The following OSBPL1A variants were observed in gnomAD, a reference collection of about 807,000 sequenced individuals.
The protein encoded by OSBPL1A is oxysterol binding protein like 1A.
Under a neutral mutation model 137.1 loss-of-function variants are expected in OSBPL1A, and 80 were observed. The observed-to-expected ratio is 0.58, with a 90% CI of 0.49 to 0.70. The LOEUF (loss-of-function observed/expected upper bound fraction) is 0.70. Ranked by LOEUF, OSBPL1A falls within the 30% of genes least tolerant of loss-of-function variation. The pLI, the probability that OSBPL1A is intolerant of heterozygous loss-of-function variation, is 0.00. For missense variants in OSBPL1A, 970 were observed against 1,129.4 expected, an observed-to-expected ratio of 0.86 and a Z score of 2.02; for synonymous variants, 365 against 389.7, an observed-to-expected ratio of 0.94 and a Z score of 0.75.
At chr18:24,199,925 G>T (rs2087166765) in intron 17 of OSBPL1A, among the ~76,000 whole-genome samples, 2 of 152,168 alleles carry the variant, frequency 1.3e-5, no homozygotes, top group Non-Finnish European at 2.9e-5. Flanking sequence ...TACAACGTCA[G>T]CAGTGCCAGG....
In OSBPL1A at chr18:24,178,479, AC is replaced by A. The variant is rs992292406; in HGVS notation, c.1911-285del. On this transcript the variant is annotated intron_variant, in intron 20 of 27. Coordinates refer to ENST00000319481, the MANE Select transcript of OSBPL1A (RefSeq NM_080597.4). ...GCTAATTTTTGTATTTTTAGTAGAGACGGGGGTTTCATCATGTTGGCCAGGT... is the reference window on the plus strand; with the variant it reads ...GCTAATTTTTGTATTTTTAGTAGAGAGGGGGTTTCATCATGTTGGCCAGGT... Among the ~76,000 whole-genome samples, 4 of 134 alleles carry A rather than the reference AC, an allele frequency of 0.03. No homozygotes were observed. In the East Asian group the frequency reaches 0.5, roughly 17 times the overall value. 0.1% of individuals were successfully genotyped at this position (134 alleles called of 152,430 possible). A position where few individuals can be genotyped will look rare whatever the true frequency, so the allele number is the denominator to read the frequency against.
rs576960248 is a variant in OSBPL1A, at chr18:24,272,236, CT to C, written c.1281+8605del. 1.7e-3 allele frequency: 1,301 copies of C among 753,106 alleles called. 1 individual carries two copies. Among genetic ancestry groups the C allele is most frequent in the African/African-American group, 7.6e-3 (400 of 52,964 alleles). 46.7% of individuals were successfully genotyped at this position (753,106 alleles called of 1,614,324 possible). A position where few individuals can be genotyped will look rare whatever the true frequency, so the allele number is the denominator to read the frequency against. On this transcript the variant is annotated intron_variant, in intron 15 of 27. Coordinates refer to ENST00000319481, the MANE Select transcript of OSBPL1A (RefSeq NM_080597.4). ...CTCCTGGAGACACCGGCCCTGGCAACTTTTTTTTTTTCTTTTTTCTTTTTTT... is the reference window on the plus strand; with the variant it reads ...CTCCTGGAGACACCGGCCCTGGCAACTTTTTTTTTTCTTTTTTCTTTTTTT...
At chr18:24,312,198 T>C in intron 12 of OSBPL1A, 92 bp from the exon 13 acceptor site, 1 of 1,466,084 alleles carries the variant, frequency 6.8e-7, no homozygotes, top group Non-Finnish European at 9.3e-7. Context: ...AAAATTTACC[T>C]AGTGAAATAA....
chr18:24,336,539 G>C (rs1033598531), intron 5 of OSBPL1A, among the ~76,000 whole-genome samples: 3 of 152,062 alleles, frequency 2.0e-5, no homozygotes, highest in African/African-American at 7.2e-5. Flanking sequence ...TTCTAAAGGA[G>C]CTATACATTC....
intron 1 of OSBPL1A, among the ~76,000 whole-genome samples, chr18:24,386,187 A>G (rs1386032423): frequency 6.6e-6 from 1 of 152,186 alleles, no homozygotes; most frequent in Non-Finnish European, 1.5e-5. Flanking sequence ...CGGGGTCAAT[A>G]CAGTCATAGA....
At chr18:24,195,819 CTGTT>C (rs908442556) in intron 18 of OSBPL1A, 5 of 338,982 alleles carry the variant, frequency 1.5e-5, no homozygotes, top group African/African-American at 1.1e-4. Flanking sequence ...GTGGGGTTGT[CTGTT>C]CTTTCTGAGA....
chr18:24,233,842 G>C (rs546782165), intron 16 of OSBPL1A, among the ~76,000 whole-genome samples: 1 of 152,150 alleles, frequency 6.6e-6, no homozygotes, highest in Non-Finnish European at 1.5e-5. Context: ...AGTAGAGGCA[G>C]GGTTTCACAA....
chr18:24,197,065 T>TTTCTGTTTCCCA (rs2087055827), intron 17 of OSBPL1A, among the ~76,000 whole-genome samples: 2 of 152,214 alleles, frequency 1.3e-5, no homozygotes, highest in African/African-American at 2.4e-5. Flanking sequence ...TTCCAGTTGC[T>TTTCTGTTTCCCA]GGCCGGGTGT....
intron 15 of OSBPL1A, among the ~76,000 whole-genome samples, chr18:24,263,387 G>T (rs1599583378): frequency 6.6e-6 from 1 of 152,048 alleles, no homozygotes; most frequent in Non-Finnish European, 1.5e-5. Flanking sequence ...CTTAAAAATG[G>T]TTACGATGGT....
intron 14 of OSBPL1A, among the ~76,000 whole-genome samples, chr18:24,292,788 A>G (rs2090199401): frequency 6.6e-6 from 1 of 152,150 alleles, no homozygotes. Flanking sequence ...TAAGGGTCTC[A>G]GCAGGGAAGA....
intron 14 of OSBPL1A, among the ~76,000 whole-genome samples, chr18:24,294,325 G>A (rs184004019): frequency 3.3e-5 from 5 of 151,932 alleles, no homozygotes; most frequent in African/African-American, 1.2e-4. Context: ...TCCTCCTCCT[G>A]GGTTCAAGCG....
At position 24,178,205 on chromosome 18, in the gene OSBPL1A, T is replaced by TA. The variant is rs370187142; in HGVS notation, c.1911-11dup. 0.055 allele frequency: 63,144 copies of TA among 1,145,580 alleles called. 909 individuals are homozygous for TA. The highest frequency in any genetic ancestry group is 0.22 in the African/African-American group (12,875 of 58,132). The allele number at this position is 1,145,580 out of a possible 1,614,324, so 71.0% of individuals were successfully genotyped here. On this transcript the variant is annotated splice_polypyrimidine_tract_variant and intron_variant, in intron 20 of 27. Transcript: ENST00000319481. The stretch of plus-strand genomic sequence containing the variant: ...AAATCCAAGGTCATCTCTTAAGATT[T>TA]AAAAAAAAAAAAAAAGAAAAAAAAA...
At chr18:24,393,460 T>C (rs905155233) in intron 1 of OSBPL1A, among the ~76,000 whole-genome samples, 1 of 152,208 alleles carries the variant, frequency 6.6e-6, no homozygotes, top group Non-Finnish European at 1.5e-5. Context: ...ATTTTTATTT[T>C]TATTTTTTTT....
chr18:24,180,547 C>T (rs2086577283), intron 19 of OSBPL1A, among the ~76,000 whole-genome samples: 2 of 152,012 alleles, frequency 1.3e-5, no homozygotes, highest in South Asian at 4.2e-4. Context: ...TTGAATTCTT[C>T]CCCTAACACA....
chr18:24,250,186 GTTTT>G (rs200198027), intron 15 of OSBPL1A, among the ~76,000 whole-genome samples: 9 of 78,078 alleles, frequency 1.2e-4, no homozygotes, highest in African/African-American at 4.2e-4. Flanking sequence ...TTGTTTGTTT[GTTTT>G]TTTTGACATG....
intron 14 of OSBPL1A, among the ~76,000 whole-genome samples, chr18:24,293,227 G>C (rs1199319066): frequency 2.0e-5 from 3 of 152,008 alleles, no homozygotes; most frequent in Non-Finnish European, 2.9e-5. Context: ...ACTGGCGTGC[G>C]GGACACAGTT....
At chr18:24,284,036 A>G (rs2090019496) in intron 14 of OSBPL1A, among the ~76,000 whole-genome samples, 1 of 152,140 alleles carries the variant, frequency 6.6e-6, no homozygotes, top group Admixed American at 6.6e-5. Flanking sequence ...TGTCCAAAAG[A>G]GTCAAATGTT....
At chr18:24,315,663 A>G (rs943082563) in intron 11 of OSBPL1A, among the ~76,000 whole-genome samples, 3 of 131,018 alleles carry the variant, frequency 2.3e-5, no homozygotes, top group Admixed American at 9.1e-5. Flanking sequence ...AAATTATAAT[A>G]TAATATATAA....
In OSBPL1A at chr18:24,367,228, T is replaced by TTATATATATATATATA. The variant is rs35876308; in HGVS notation, c.208-278_208-263dup. On this transcript the variant is annotated intron_variant, in intron 3 of 27. Transcript: ENST00000319481. ...TCTGGCACTATAGCGAGACTCCATC[T>TTATATATATATATATA]TATATATATATATATATATGTACAC... is the stretch of plus-strand genomic sequence containing the variant. Among the ~76,000 whole-genome samples the TTATATATATATATATA allele has an allele frequency of 3.3e-3, 489 of 147,094 alleles. 2 individuals carry two copies. Among genetic ancestry groups the TTATATATATATATATA allele is most frequent in the African/African-American group, 9.3e-3 (372 of 39,912 alleles).
Sources: gnomAD v4.1 joint callset for allele counts (sites outside exome capture counted in the v4.1 genomes callset) on GRCh38, gnomAD v4.1.1 for gene constraint, MANE v1.5 for transcripts, NCBI Gene and HGNC (gene_info 2026-07-23, HGNC 2026-07-21) for gene names.